Variants in PPFIA2 observed in about 807,000 individuals in gnomAD.
PPFIA2 encodes the protein liprin-alpha-2.
In PPFIA2, 46 loss-of-function variants were observed where a neutral mutation model predicts 175.5. The observed-to-expected ratio is 0.26, with a 90% CI of 0.21 to 0.34. PPFIA2 has a LOEUF of 0.34. PPFIA2 is among the 10% of genes least tolerant of loss of function. PPFIA2 has a pLI of 1.00. For synonymous variants in PPFIA2, 568 were observed against 511.4 expected (o/e 1.11, Z -1.49); for missense variants, 1,179 against 1,506.1 (o/e 0.78, Z 3.60).
intron 4 of PPFIA2, among the ~76,000 whole-genome samples, chr12:81,646,831 C>A: frequency 6.8e-6 from 1 of 147,758 alleles, no homozygotes; most frequent in East Asian, 2.0e-4. Flanking sequence ...TGTTTTTTAA[C>A]CAATGCAATG....
chr12:81,513,987 T>C (rs1313951588), intron 4 of PPFIA2, among the ~76,000 whole-genome samples: 1 of 152,026 alleles, frequency 6.6e-6, no homozygotes, highest in Non-Finnish European at 1.5e-5. Context: ...AAAGTCATAT[T>C]CAAGTATTTG....
chr12:81,590,257 TC>T (rs2058516247), intron 4 of PPFIA2, among the ~76,000 whole-genome samples: 2 of 152,148 alleles, frequency 1.3e-5, no homozygotes, highest in Non-Finnish European at 2.9e-5. Flanking sequence ...GAGAGGTATT[TC>T]CAGATGGATT....
intron 3 of PPFIA2, among the ~76,000 whole-genome samples, chr12:81,724,101 A>G (rs922930643): frequency 2.7e-5 from 4 of 150,880 alleles, no homozygotes; most frequent in Non-Finnish European, 6.0e-5. Context: ...ACAATGCTCT[A>G]TCTCTAAATG....
rs2061088560 is a variant in PPFIA2 at position 81,357,937 on chromosome 12, A to T, written c.1773+145T>A. ...CCATAGTAGGGGCTTTATGTTACTT[A>T]TAGTTTTTTTAAAAATGTCATACTC... On this transcript the variant is annotated intron_variant, in intron 16 of 32. Transcript: ENST00000549396. 5 of 822,228 alleles carry T rather than the reference A, an allele frequency of 6.1e-6. No individual in the cohort carries two copies. In the South Asian group the frequency reaches 7.2e-5, roughly 12 times the overall value. 50.9% of individuals were successfully genotyped at this position (822,228 alleles called of 1,614,324 possible).
At chr12:81,449,886 G>A (rs1033978483) in intron 5 of PPFIA2, among the ~76,000 whole-genome samples, 6 of 149,664 alleles carry the variant, frequency 4.0e-5, no homozygotes, top group East Asian at 2.0e-4. Context: ...GAAAACATGC[G>A]GTGTTTGGTT....
At chr12:81,733,312 C>T (rs2081160190) in intron 3 of PPFIA2, among the ~76,000 whole-genome samples, 1 of 151,472 alleles carries the variant, frequency 6.6e-6, no homozygotes, top group Non-Finnish European at 1.5e-5. Context: ...ATCTTAAATG[C>T]TTTAAGGAAG....
At chr12:81,365,297 T>C (rs1055049614) in intron 14 of PPFIA2, among the ~76,000 whole-genome samples, 8 of 151,834 alleles carry the variant, frequency 5.3e-5, no homozygotes, top group Admixed American at 4.0e-4. Flanking sequence ...TTATAGAAGA[T>C]GTGGTCAGAT....
intron 4 of PPFIA2, among the ~76,000 whole-genome samples, chr12:81,582,552 AC>A (rs1322393637): frequency 6.6e-5 from 10 of 151,832 alleles, no homozygotes; most frequent in Non-Finnish European, 1.3e-4. Flanking sequence ...CTTATAAAAA[AC>A]ACTATGACTG....
intron 32 of PPFIA2, 69 bp from the exon 33 acceptor site, chr12:81,259,729 C>T: frequency 5.1e-6 from 7 of 1,383,960 alleles, no homozygotes; most frequent in Non-Finnish European, 6.9e-6. Flanking sequence ...TTCTACTCCT[C>T]TGTGGTGTAC....
At position 81,440,036 on chromosome 12, in the gene PPFIA2, C is replaced by A; in HGVS notation, c.581G>T (p.Arg194Leu). The A allele has an allele frequency of 6.2e-7, 1 of 1,601,660 alleles. No homozygotes were observed. The highest frequency in any genetic ancestry group is 1.1e-5 in the South Asian group (1 of 88,788). Residue 194 changes from arginine to leucine, a missense_variant, in exon 7 of 33, where the codon CGA becomes CTA. Arg to Leu is a moderately radical substitution (Grantham distance 102, BLOSUM62 -2). Coordinates refer to ENST00000549396, the MANE Select transcript of PPFIA2 (RefSeq NM_003625.5). ...GACTCTTTCTAAAGAAACCCTCAGTCGCTCCCTTACCTAGAAGAAAAATCA... is the reference window on the plus strand; with the variant it reads ...GACTCTTTCTAAAGAAACCCTCAGTAGCTCCCTTACCTAGAAGAAAAATCA... Reference protein sequence around the residue: ...HKALDEKVRERLRVSLERVSA... With the variant: ...HKALDEKVRELLRVSLERVSA...
chr12:81,676,900 C>T (rs1033878022), intron 3 of PPFIA2, 56 bp from the exon 4 acceptor site: 6 of 1,229,020 alleles, frequency 4.9e-6, no homozygotes, highest in Non-Finnish European at 6.8e-6. Flanking sequence ...TGAAGAATCC[C>T]CCAGTCCCAC....
chr12:81,365,590 T>C (rs931544415), intron 14 of PPFIA2, among the ~76,000 whole-genome samples: 5 of 151,738 alleles, frequency 3.3e-5, no homozygotes, highest in African/African-American at 9.7e-5. Flanking sequence ...TTTAAATACA[T>C]ACCAGTCACA....
chr12:81,296,180 G>C (rs1422994490), intron 23 of PPFIA2, among the ~76,000 whole-genome samples: 3 of 151,648 alleles, frequency 2.0e-5, no homozygotes, highest in Admixed American at 1.3e-4. Context: ...TCAGCCAGGC[G>C]TGGTGGCAGA....
chr12:81,698,312 G>C (rs2076113510), intron 3 of PPFIA2, among the ~76,000 whole-genome samples: 1 of 152,084 alleles, frequency 6.6e-6, no homozygotes, highest in Non-Finnish European at 1.5e-5. Context: ...ATGAATTAGT[G>C]CTGTTATTGC....
chr12:81,673,038 C>A (rs1489017892), intron 4 of PPFIA2, among the ~76,000 whole-genome samples: 1 of 151,958 alleles, frequency 6.6e-6, no homozygotes, highest in Non-Finnish European at 1.5e-5. Flanking sequence ...AGTCTGTTAT[C>A]ACTAAACTTA....
At chr12:81,635,671 A>G (rs142163483) in intron 4 of PPFIA2, among the ~76,000 whole-genome samples, 17 of 152,336 alleles carry the variant, frequency 1.1e-4, no homozygotes, top group African/African-American at 3.8e-4. Flanking sequence ...TAGCTGGAAC[A>G]GCACCACACC....
At chr12:81,707,197 T>C (rs1295561216) in intron 3 of PPFIA2, among the ~76,000 whole-genome samples, 3 of 152,094 alleles carry the variant, frequency 2.0e-5, no homozygotes, top group Non-Finnish European at 4.4e-5. Flanking sequence ...AAAGAGTTTC[T>C]GCACAGCAAA....
intron 3 of PPFIA2, among the ~76,000 whole-genome samples, chr12:81,704,665 G>A (rs1230976698): frequency 3.3e-5 from 5 of 151,838 alleles, no homozygotes; most frequent in Non-Finnish European, 5.9e-5. Context: ...GCACATACAA[G>A]GTTCATTTGC....
intron 7 of PPFIA2, among the ~76,000 whole-genome samples, chr12:81,438,851 A>G (rs1222217648): frequency 1.3e-5 from 2 of 152,114 alleles, no homozygotes; most frequent in Non-Finnish European, 2.9e-5. Flanking sequence ...TTTGAAATGT[A>G]TATTAGATTA....
Sources: allele counts gnomAD v4.1 joint callset (sites outside exome capture counted in the v4.1 genomes callset), GRCh38; gene constraint gnomAD v4.1.1; transcripts MANE v1.5; gene names NCBI Gene and HGNC (gene_info 2026-07-23, HGNC 2026-07-21).